NCALD: variants seen among roughly 807,000 people sequenced by gnomAD.
The protein encoded by NCALD is neurocalcin delta, also known as neurocalcin-delta.
In NCALD, 10 loss-of-function variants were observed where a neutral mutation model predicts 18.6. That is an observed-to-expected ratio of 0.54 (90% CI 0.33 to 0.91). NCALD has a LOEUF of 0.91. NCALD is among the 40% of genes least tolerant of loss of function. The pLI is 0.03. For missense variants in NCALD, 184 were observed against 247.6 expected (o/e 0.74, Z 1.72); for synonymous variants, 88 against 87.4 (o/e 1.01, Z -0.04).
chr8:101,977,120 G>C (rs1270870927), intron 2 of NCALD, among the ~76,000 whole-genome samples: 1 of 151,468 alleles, frequency 6.6e-6, no homozygotes, highest in African/African-American at 2.4e-5. Flanking sequence ...AAGAAAAATG[G>C]TTATTTCTCC....
intron 1 of NCALD, among the ~76,000 whole-genome samples, chr8:102,101,079 G>A (rs910412371): frequency 2.0e-5 from 3 of 152,188 alleles, no homozygotes; most frequent in African/African-American, 7.2e-5. Flanking sequence ...TTTATACCAC[G>A]ACCAGCAACA....
At chr8:101,974,873 C>G (rs1248255932) in intron 2 of NCALD, among the ~76,000 whole-genome samples, 1 of 152,168 alleles carries the variant, frequency 6.6e-6, no homozygotes, top group Non-Finnish European at 1.5e-5. Context: ...TAAGCCAGTA[C>G]TAATATTTTG....
intron 2 of NCALD, among the ~76,000 whole-genome samples, chr8:102,012,840 C>G (rs952699046): frequency 1.3e-5 from 2 of 152,150 alleles, no homozygotes; most frequent in Non-Finnish European, 2.9e-5. Flanking sequence ...TGAATTTTCC[C>G]TTTTCTCAGC....
chr8:101,738,919 A>G (rs1810060752), intron 1 of NCALD, among the ~76,000 whole-genome samples: 1 of 151,878 alleles, frequency 6.6e-6, no homozygotes, highest in African/African-American at 2.4e-5. Context: ...CTCTGACTCT[A>G]TGTCCTTCTA....
At chr8:101,805,754 G>A (rs1813077893) in intron 4 of NCALD, among the ~76,000 whole-genome samples, 1 of 152,018 alleles carries the variant, frequency 6.6e-6, no homozygotes, top group African/African-American at 2.4e-5. Flanking sequence ...GAGAGGAGGT[G>A]GATAACTATA....
At chr8:102,035,543 A>G (rs1460356720) in intron 1 of NCALD, among the ~76,000 whole-genome samples, 2 of 152,118 alleles carry the variant, frequency 1.3e-5, no homozygotes, top group African/African-American at 4.8e-5. Context: ...TAGTCCAGAG[A>G]AAGGCAGTAG....
intron 4 of NCALD, among the ~76,000 whole-genome samples, chr8:101,851,971 C>A (rs539852312): frequency 3.0e-4 from 46 of 152,214 alleles, no homozygotes; most frequent in Middle Eastern, 3.4e-3. Context: ...ATGAAGGGTA[C>A]ATTCTTGCCC....
intron 1 of NCALD, among the ~76,000 whole-genome samples, chr8:101,731,734 A>T (rs903676622): frequency 6.6e-6 from 1 of 152,050 alleles, no homozygotes; most frequent in South Asian, 2.1e-4. Context: ...TCCTGATGGC[A>T]TCTCCTTTCC....
upstream of NCALD, among the ~76,000 whole-genome samples, chr8:101,793,679 A>T (rs1290699581): frequency 6.6e-6 from 1 of 152,210 alleles, no homozygotes; most frequent in East Asian, 1.9e-4. Flanking sequence ...CACTACACTG[A>T]AGAGAATATG....
At chr8:101,791,818 T>C (rs559351974), upstream of NCALD, among the ~76,000 whole-genome samples, 8 of 152,248 alleles carry the variant, frequency 5.3e-5, no homozygotes, top group South Asian at 2.1e-4. Context: ...AGACTCAACA[T>C]TGAGTAAACA....
chr8:102,100,428 A>G (rs1825238041), intron 1 of NCALD, among the ~76,000 whole-genome samples: 1 of 152,206 alleles, frequency 6.6e-6, no homozygotes, highest in South Asian at 2.1e-4. Flanking sequence ...GTCTTTTTCA[A>G]TGTTTTTCAA....
intron 4 of NCALD, among the ~76,000 whole-genome samples, chr8:101,798,581 C>T (rs1812723994): frequency 6.6e-6 from 1 of 152,150 alleles, no homozygotes; most frequent in African/African-American, 2.4e-5. Flanking sequence ...ATCAACTAAC[C>T]TCTAACTGAT....
intron 4 of NCALD, among the ~76,000 whole-genome samples, chr8:101,866,324 T>A (rs1281900678): frequency 6.6e-6 from 1 of 152,200 alleles, no homozygotes; most frequent in African/African-American, 2.4e-5. Flanking sequence ...GGCTTAGGTC[T>A]AGAAACTCTT....
chr8:101,874,686 A>G (rs1447836681), intron 4 of NCALD, among the ~76,000 whole-genome samples: 1 of 151,970 alleles, frequency 6.6e-6, no homozygotes, highest in Admixed American at 6.6e-5. Context: ...CACCACATCC[A>G]GCTAATTTTA....
At chr8:101,827,821 C>T (rs1288591216) in intron 4 of NCALD, among the ~76,000 whole-genome samples, 1 of 152,142 alleles carries the variant, frequency 6.6e-6, no homozygotes, top group Non-Finnish European at 1.5e-5. Flanking sequence ...CTGATTTTTC[C>T]TTTAATCCTT....
At chr8:101,784,651 T>A (rs7008560) in intron 1 of NCALD, among the ~76,000 whole-genome samples, 13,333 of 151,708 alleles carry the variant, frequency 0.088, 1,396 homozygotes, top group African/African-American at 0.25. Flanking sequence ...AAAACAAAAA[T>A]TTAGCTGGGC....
intron 1 of NCALD, among the ~76,000 whole-genome samples, chr8:101,736,192 G>T (rs533691472): frequency 2.6e-5 from 4 of 152,282 alleles, no homozygotes; most frequent in African/African-American, 7.2e-5. Context: ...GGACTAGTTT[G>T]GTAGGCTTGT....
intron 4 of NCALD, among the ~76,000 whole-genome samples, chr8:101,823,375 CAAG>C: frequency 6.6e-6 from 1 of 152,196 alleles, no homozygotes; most frequent in East Asian, 1.9e-4. Context: ...ATAGGAAAGA[CAAG>C]AAGAATGCTT....
At chr8:101,980,804 T>A (rs143510740) in intron 2 of NCALD, among the ~76,000 whole-genome samples, 1 of 152,346 alleles carries the variant, frequency 6.6e-6, no homozygotes, top group African/African-American at 2.4e-5. Flanking sequence ...GGTATTCATG[T>A]ACCATCCAGA....
Sources: gnomAD v4.1 joint callset for allele counts (sites outside exome capture counted in the v4.1 genomes callset) on GRCh38, gnomAD v4.1.1 for gene constraint, MANE v1.5 for transcripts, NCBI Gene and HGNC (gene_info 2026-07-23, HGNC 2026-07-21) for gene names.